ZNF385B: variants seen among roughly 807,000 people sequenced by gnomAD.
ZNF385B encodes zinc finger protein 533.
In ZNF385B, 23 loss-of-function variants were observed where a neutral mutation model predicts 39.2. The observed-to-expected ratio is 0.59, with a 90% CI of 0.42 to 0.83. The LOEUF (loss-of-function observed/expected upper bound fraction) is 0.83, where lower values mean the gene tolerates loss of function less well. Among genes scored for constraint, ZNF385B ranks in the 40% least tolerant of loss-of-function variants. The probability of loss-of-function intolerance (pLI) is 0.00; values close to 1 mark genes in which losing one functional copy is unlikely to be tolerated. For missense variants in ZNF385B, 552 were observed against 598.9 expected (o/e 0.92, Z 0.82); for synonymous variants, 205 against 222.6 (o/e 0.92, Z 0.70).
intron 1 of ZNF385B, among the ~76,000 whole-genome samples, chr2:179,791,786 T>C (rs1431146601): frequency 2.0e-5 from 3 of 152,208 alleles, no homozygotes; most frequent in Non-Finnish European, 4.4e-5. Flanking sequence ...TGAGATGGAG[T>C]TTTGCTGTCT....
At chr2:179,448,706 C>T (rs957108827) in intron 6 of ZNF385B, among the ~76,000 whole-genome samples, 4 of 152,094 alleles carry the variant, frequency 2.6e-5, no homozygotes, top group African/African-American at 9.7e-5. Flanking sequence ...TAATGTCCCA[C>T]AGATTAGTAA....
chr2:179,516,970 ACTT>A (rs951095044), intron 5 of ZNF385B, among the ~76,000 whole-genome samples: 10 of 151,928 alleles, frequency 6.6e-5, no homozygotes, highest in African/African-American at 2.2e-4. Context: ...ATGAATACGT[ACTT>A]CTTCTAGCAC....
At chr2:179,530,138 AGTAAACAGTTTTTG>A (rs1309600603) in intron 4 of ZNF385B, among the ~76,000 whole-genome samples, 1 of 152,222 alleles carries the variant, frequency 6.6e-6, no homozygotes, top group African/African-American at 2.4e-5. Context: ...GCTAAAAGAC[AGTAAACAGTTTTTG>A]GCCTTTTGTT....
At chr2:179,560,204 T>G (rs2105958891) in intron 3 of ZNF385B, among the ~76,000 whole-genome samples, 1 of 152,324 alleles carries the variant, frequency 6.6e-6, no homozygotes, top group South Asian at 2.1e-4. Context: ...CCATAATGAC[T>G]TCTTCATAAG....
At position 179,444,899 on chromosome 2, in the gene ZNF385B, G is replaced by T. The variant is rs1158879924; in HGVS notation, c.1219C>A (p.Gln407Lys). The T allele has an allele frequency of 1.2e-6, 2 of 1,614,030 alleles. No individual in the cohort carries two copies. Among genetic ancestry groups the T allele is most frequent in the African/African-American group, 2.7e-5 (2 of 74,936 alleles). ...ACTGCTAGAATACTCGGGCTCCGCTGGAGTTTGTTGTAAGGGCTGTATTTT... is the reference window on the plus strand; with the variant it reads ...ACTGCTAGAATACTCGGGCTCCGCTTGAGTTTGTTGTAAGGGCTGTATTTT... Reference protein sequence around the residue: ...KPKYSPYNKLQRSPSILAAKL... With the variant: ...KPKYSPYNKLKRSPSILAAKL... The change falls in exon 9 of 10, where the codon CAG becomes AAG. Residue 407 changes from glutamine (Q) to lysine (K), a missense_variant. Coordinates refer to ENST00000410066, the MANE Select transcript of ZNF385B (RefSeq NM_152520.6).
chr2:179,574,101 G>A (rs1049308520), intron 3 of ZNF385B, among the ~76,000 whole-genome samples: 6 of 152,130 alleles, frequency 3.9e-5, no homozygotes, highest in African/African-American at 9.6e-5. Flanking sequence ...CATGAGGAAC[G>A]GGCAAATAAA....
rs137940071 is a variant in ZNF385B at position 179,658,296 on chromosome 2, A to T, written c.298+111207T>A. Among the ~76,000 whole-genome samples, 10 of 152,190 alleles carry T rather than the reference A, an allele frequency of 6.6e-5. No homozygotes were observed. In the East Asian group the frequency reaches 1.9e-3, roughly 29 times the overall value. ...AATCACCAACATCACTTATTTCCCCACCAATGGCACTGAACCTTATGACCT... is the reference window on the plus strand; with the variant it reads ...AATCACCAACATCACTTATTTCCCCTCCAATGGCACTGAACCTTATGACCT... On this transcript the variant is annotated intron_variant, in intron 3 of 9. Coordinates refer to ENST00000410066, the MANE Select transcript of ZNF385B (RefSeq NM_152520.6).
intron 3 of ZNF385B, among the ~76,000 whole-genome samples, chr2:179,621,496 A>T (rs1690211655): frequency 6.6e-6 from 1 of 152,228 alleles, no homozygotes; most frequent in Non-Finnish European, 1.5e-5. Flanking sequence ...CAATGTCTAT[A>T]GTGTAAATTA....
At chr2:179,680,634 G>A (rs2106324543) in intron 3 of ZNF385B, among the ~76,000 whole-genome samples, 1 of 152,246 alleles carries the variant, frequency 6.6e-6, no homozygotes, top group East Asian at 1.9e-4. Context: ...TCGCAGGTAT[G>A]TTATACTTCA....
chr2:179,457,856 T>C (rs553025547), intron 6 of ZNF385B, among the ~76,000 whole-genome samples: 12 of 152,320 alleles, frequency 7.9e-5, no homozygotes, highest in African/African-American at 2.9e-4. Flanking sequence ...TGTTGTCTTA[T>C]GATAACCCCA....
intron 1 of ZNF385B, among the ~76,000 whole-genome samples, chr2:179,839,599 T>C (rs543322101): frequency 6.6e-6 from 1 of 152,302 alleles, no homozygotes; most frequent in Non-Finnish European, 1.5e-5. Context: ...GACGGCCACC[T>C]ATATAAGTTA....
intron 3 of ZNF385B, among the ~76,000 whole-genome samples, chr2:179,674,491 C>T (rs1483533007): frequency 2.0e-5 from 3 of 152,126 alleles, no homozygotes; most frequent in African/African-American, 7.2e-5. Context: ...TCACCTGATA[C>T]TGATTTCTAT....
chr2:179,856,844 T>A (rs778563717), intron 1 of ZNF385B, among the ~76,000 whole-genome samples: 15 of 152,186 alleles, frequency 9.9e-5, no homozygotes, highest in Non-Finnish European at 1.8e-4. Context: ...TCAGAAAGCA[T>A]ATCCAAGCCC....
intron 7 of ZNF385B, 121 bp downstream of exon 7, chr2:179,446,404 T>G (rs770039602): frequency 1.8e-4 from 245 of 1,367,566 alleles, no homozygotes; most frequent in Non-Finnish European, 2.3e-4. Flanking sequence ...CTCCTTTGAA[T>G]CAAAAAAGTA....
chr2:179,600,553 G>A lies in ZNF385B; in HGVS notation c.299-55584C>T, dbSNP rs114378874. Among the ~76,000 whole-genome samples, 470 of 152,146 alleles carry A rather than the reference G, an allele frequency of 3.1e-3. 3 individuals carry two copies. The highest frequency in any genetic ancestry group is 0.011 in the African/African-American group (454 of 41,514). ...TATTTCTCTGAATATGTAAGCCAAG[G>A]TATCCATTTCTATATCTTCTGGGTC... On this transcript the variant is annotated intron_variant, in intron 3 of 9. Transcript: ENST00000410066.
At chr2:179,495,370 T>G (rs1423314254) in intron 5 of ZNF385B, among the ~76,000 whole-genome samples, 1 of 152,244 alleles carries the variant, frequency 6.6e-6, no homozygotes, top group Non-Finnish European at 1.5e-5. Context: ...TCTAAGGTTT[T>G]TGACTCTAGT....
chr2:179,650,210 A>G (rs945644973), intron 3 of ZNF385B, among the ~76,000 whole-genome samples: 22 of 152,230 alleles, frequency 1.4e-4, no homozygotes, highest in Non-Finnish European at 2.6e-4. Context: ...TCTCTAGGAG[A>G]TTCTAGAACA....
At chr2:179,451,695 A>G (rs1321956942) in intron 6 of ZNF385B, among the ~76,000 whole-genome samples, 3 of 152,162 alleles carry the variant, frequency 2.0e-5, no homozygotes, top group Non-Finnish European at 4.4e-5. Flanking sequence ...TATCTAGTCA[A>G]TAAAACAGAT....
intron 3 of ZNF385B, among the ~76,000 whole-genome samples, chr2:179,714,941 T>C (rs1415673688): frequency 4.3e-4 from 2 of 4,666 alleles, no homozygotes; most frequent in Non-Finnish European, 9.6e-4. Flanking sequence ...AGATTCTATC[T>C]CAAAAAAAAA....
Sources: allele counts gnomAD v4.1 joint callset (sites outside exome capture counted in the v4.1 genomes callset), GRCh38; gene constraint gnomAD v4.1.1; transcripts MANE v1.5; gene names NCBI Gene and HGNC (gene_info 2026-07-23, HGNC 2026-07-21).